The following GSE1 variants were observed in gnomAD, a reference collection of about 807,000 sequenced individuals.
GSE1 encodes the protein genetic suppressor element 1.
In GSE1, 32 loss-of-function variants were observed where a neutral mutation model predicts 112.6. The ratio of observed to expected loss-of-function variants is 0.28; its 90% CI spans 0.21 to 0.38. GSE1 has a LOEUF of 0.38. Among genes scored for constraint, GSE1 ranks in the 10% least tolerant of loss-of-function variants. The pLI, the probability that GSE1 is intolerant of heterozygous loss-of-function variation, is 1.00. For missense variants in GSE1, 2,348 were observed against 1,699.2 expected (o/e 1.38, Z -6.71); for synonymous variants, 1,115 against 735.6 (o/e 1.52, Z -8.35).
chr16:85,393,905 G>T (rs949838197), intron 2 of GSE1, among the ~76,000 whole-genome samples: 2 of 152,150 alleles, frequency 1.3e-5, no homozygotes, highest in Non-Finnish European at 2.9e-5. Context: ...GCCAGCTTGC[G>T]CCCGGCAGTC....
At chr16:85,304,313 C>T (rs1399249531) in intron 1 of GSE1, among the ~76,000 whole-genome samples, 1 of 152,206 alleles carries the variant, frequency 6.6e-6, no homozygotes, top group Admixed American at 6.5e-5. Flanking sequence ...TGACCTCCTG[C>T]CCTTTTCTTC....
At chr16:85,182,786 C>T (rs940481185) in intron 1 of GSE1, among the ~76,000 whole-genome samples, 9 of 152,060 alleles carry the variant, frequency 5.9e-5, no homozygotes, top group African/African-American at 7.2e-5. Context: ...GGATTGTTGA[C>T]GGCTGCATGA....
intron 1 of GSE1, among the ~76,000 whole-genome samples, chr16:85,189,398 A>G (rs11149719): frequency 0.019 from 2,822 of 152,264 alleles, 103 homozygotes; most frequent in African/African-American, 0.064. Flanking sequence ...TCTTTTGTGC[A>G]TTGTACACAG....
intron 2 of GSE1, among the ~76,000 whole-genome samples, chr16:85,444,220 G>A (rs1013088912): frequency 3.4e-4 from 51 of 152,048 alleles, no homozygotes; most frequent in African/African-American, 1.1e-3. Context: ...TCTTGACCTC[G>A]TGACCCTCCC....
At chr16:85,601,410 G>A (rs755596280) in intron 1 of GSE1, among the ~76,000 whole-genome samples, 5 of 152,108 alleles carry the variant, frequency 3.3e-5, no homozygotes, top group Non-Finnish European at 7.4e-5. Flanking sequence ...GGGCCAGGCT[G>A]GTGGGGAGGA....
At chr16:85,668,471 T>G (rs1400629955) in intron 14 of GSE1, 47 bp downstream of exon 14, 1 of 1,320,368 alleles carries the variant, frequency 7.6e-7, no homozygotes, top group Non-Finnish European at 1.1e-6. Flanking sequence ...GGAAAGTACC[T>G]TTGGAAAGGA....
intron 2 of GSE1, among the ~76,000 whole-genome samples, chr16:85,648,317 C>T (rs1022447513): frequency 6.6e-5 from 10 of 152,030 alleles, no homozygotes; most frequent in Non-Finnish European, 1.3e-4. Context: ...TGAGCAGGGC[C>T]CGTGGGGCAA....
chr16:85,549,970 C>T (rs1324064712), intron 2 of GSE1, among the ~76,000 whole-genome samples: 1 of 152,172 alleles, frequency 6.6e-6, no homozygotes, highest in African/African-American at 2.4e-5. Flanking sequence ...TGCACTAAGG[C>T]CCCATCAGTG....
intron 2 of GSE1, among the ~76,000 whole-genome samples, chr16:85,442,736 G>T (rs1319206192): frequency 6.6e-6 from 1 of 152,204 alleles, no homozygotes; most frequent in Non-Finnish European, 1.5e-5. Context: ...GACAGCAGCT[G>T]CCCCCTTAGC....
chr16:85,463,354 C>A (rs1052948719), intron 2 of GSE1, among the ~76,000 whole-genome samples: 1 of 152,144 alleles, frequency 6.6e-6, no homozygotes, highest in Admixed American at 6.5e-5. Flanking sequence ...AAACCCTTGA[C>A]CCCCGCGGTC....
upstream of GSE1, among the ~76,000 whole-genome samples, chr16:85,551,977 G>A (rs2044935494): frequency 6.6e-6 from 1 of 152,118 alleles, no homozygotes; most frequent in Non-Finnish European, 1.5e-5. Context: ...CCAGGCCTGG[G>A]GAGCTCTCCA....
Position 85,419,286 on chromosome 16 carries a change from A to C in GSE1, c.2464+61643A>C, listed in dbSNP as rs2048772520. On this transcript the variant is annotated intron_variant, in intron 2 of 2. Coordinates refer to the GSE1 transcript ENST00000637419. The surrounding 1 kb of genome is among the most constrained non-coding windows in gnomAD (Gnocchi z 6.5). ...AGAGGGCGCTAGAGGCCACCTCAGG[A>C]GGCAACATTTAGAGTCGGGGTCAGG... Among the ~76,000 whole-genome samples, 1 of 152,166 alleles carries C rather than the reference A, an allele frequency of 6.6e-6. No individual in the cohort carries two copies. The highest frequency in any genetic ancestry group is 2.4e-5 in the African/African-American group (1 of 41,432).
chr16:85,624,244 G>A (rs1343893588), intron 1 of GSE1, among the ~76,000 whole-genome samples: 1 of 152,186 alleles, frequency 6.6e-6, no homozygotes, highest in Non-Finnish European at 1.5e-5. Flanking sequence ...GGACACCTTG[G>A]ACCTCATCCG....
chr16:85,639,004 G>A (rs781626832), intron 2 of GSE1, among the ~76,000 whole-genome samples: 18 of 152,150 alleles, frequency 1.2e-4, no homozygotes, highest in Admixed American at 3.3e-4. Context: ...CGGGCCCCAC[G>A]CAGAACATTC....
chr16:85,662,281 C>G (rs1028927726), intron 9 of GSE1: 1 of 155,628 alleles, frequency 6.4e-6, no homozygotes. Context: ...CAGCGGCTCC[C>G]TGAGTTCTCC....
rs562196376 is a variant in GSE1, at chr16:85,334,108, A to G, written c.2284-23355A>G. Among the ~76,000 whole-genome samples, 10 of 152,224 alleles carry G rather than the reference A, an allele frequency of 6.6e-5. No homozygotes were observed. In the South Asian group the frequency reaches 2.1e-3, roughly 32 times the overall value. ...CCCTGCTCCTGCCCTCACCATGTGC[A>G]CTGACCAAGCTGTCTTCTGAGCCCA... On this transcript the variant is annotated intron_variant, in intron 1 of 2. Transcript: ENST00000637419.
At chr16:85,616,830 G>A (rs1035401150) in intron 1 of GSE1, among the ~76,000 whole-genome samples, 18 of 152,102 alleles carry the variant, frequency 1.2e-4, no homozygotes, top group African/African-American at 4.8e-5. Context: ...TCGGAGTGTC[G>A]CTGTCAATGA....
At chr16:85,500,814 A>G (rs945233495) in intron 2 of GSE1, among the ~76,000 whole-genome samples, 4 of 152,078 alleles carry the variant, frequency 2.6e-5, no homozygotes, top group Non-Finnish European at 5.9e-5. Flanking sequence ...GTGTCTGCAG[A>G]GCCATGCTCC....
chr16:85,661,341 T>C lies in GSE1; in HGVS notation c.1836T>C (p.Phe612=), dbSNP rs771612795. 5 of 1,612,136 alleles carry C rather than the reference T, an allele frequency of 3.1e-6. No individual in the cohort carries two copies. The East Asian group carries it at 8.9e-5, about 29-fold the overall frequency. Residue 612 remains phenylalanine (F), a synonymous_variant, in exon 9 of 16, where the codon TTT becomes TTC. Coordinates refer to ENST00000253458, the MANE Select transcript of GSE1 (RefSeq NM_014615.5). The part of the protein sequence containing the change: ...SHSLHSHPAA[F]EPSRQAAVPL... ...CTCTGCACAGCCACCCGGCTGCATT[T>C]GAGCCCAGCCGCCAGGCAGCCGTGC...
Sources: allele counts gnomAD v4.1 joint callset (sites outside exome capture counted in the v4.1 genomes callset), GRCh38; gene constraint gnomAD v4.1.1; non-coding constraint Gnocchi (gnomAD v3.1); transcripts MANE v1.5; gene names NCBI Gene and HGNC (gene_info 2026-07-23, HGNC 2026-07-21).